Variants in GRB10 observed in about 807,000 individuals in gnomAD.
GRB10 encodes the protein growth factor receptor-bound protein 10.
Under a neutral mutation model 80.9 loss-of-function variants are expected in GRB10, and 20 were observed. That is an observed-to-expected ratio of 0.25 (90% CI 0.17 to 0.36). The LOEUF is 0.36. Among genes scored for constraint, GRB10 ranks in the 10% least tolerant of loss-of-function variants. GRB10 has a pLI of 1.00. For synonymous variants in GRB10, 291 were observed against 291.5 expected (o/e 1.00, Z 0.02); for missense variants, 548 against 747.7 (o/e 0.73, Z 3.12).
intron 16 of GRB10, 65 bp downstream of exon 16, chr7:50,604,246 A>G: frequency 7.2e-7 from 1 of 1,383,166 alleles, no homozygotes; most frequent in Non-Finnish European, 1.0e-6. Context: ...GCTGAGGGGG[A>G]GTGGAGGGGG....
At chr7:50,786,732 G>A (rs994591437), upstream of GRB10, among the ~76,000 whole-genome samples, 33 of 152,210 alleles carry the variant, frequency 2.2e-4, no homozygotes, top group Admixed American at 7.9e-4. Flanking sequence ...CTTTTTGGAA[G>A]CTTCTATAGA....
chr7:50,685,269 G>A (rs1399096989), intron 5 of GRB10, among the ~76,000 whole-genome samples: 2 of 152,164 alleles, frequency 1.3e-5, no homozygotes, highest in Non-Finnish European at 2.9e-5. Flanking sequence ...ATGCAGTGAC[G>A]TCTTAAGCAA....
At chr7:50,725,719 T>A (rs1339958346) in intron 4 of GRB10, among the ~76,000 whole-genome samples, 1 of 152,182 alleles carries the variant, frequency 6.6e-6, no homozygotes, top group Non-Finnish European at 1.5e-5. Context: ...CCATGATAAG[T>A]AGGAGGAAAA....
intron 7 of GRB10, among the ~76,000 whole-genome samples, chr7:50,654,809 G>A (rs895576798): frequency 6.6e-6 from 1 of 152,032 alleles, no homozygotes. Context: ...TTTCCTGCTA[G>A]ATGGCTTTGT....
chr7:50,736,717 A>G (rs1240323719), intron 3 of GRB10, among the ~76,000 whole-genome samples: 2 of 152,054 alleles, frequency 1.3e-5, no homozygotes, highest in Non-Finnish European at 2.9e-5. Context: ...ACAGGAATTG[A>G]GGATGCAGTG....
intron 7 of GRB10, among the ~76,000 whole-genome samples, chr7:50,649,467 CAAG>C (rs1377924174): frequency 1.3e-5 from 2 of 152,140 alleles, no homozygotes; most frequent in Non-Finnish European, 2.9e-5. Context: ...TGTGAGGGAC[CAAG>C]AAGGCCAGGG....
At chr7:50,622,286 C>A (rs748519913) in intron 8 of GRB10, among the ~76,000 whole-genome samples, 5 of 152,180 alleles carry the variant, frequency 3.3e-5, no homozygotes, top group Non-Finnish European at 7.3e-5. Context: ...ATAAAACCAG[C>A]CTGCAAAAGG....
intron 7 of GRB10, among the ~76,000 whole-genome samples, chr7:50,635,859 T>C (rs2158919): frequency 0.45 from 64,055 of 141,084 alleles, 14,267 homozygotes; most frequent in African/African-American, 0.51. Flanking sequence ...AATAGACAAG[T>C]AGGGGTAATA....
At chr7:50,665,975 C>G (rs2059759010) in intron 7 of GRB10, among the ~76,000 whole-genome samples, 1 of 152,200 alleles carries the variant, frequency 6.6e-6, no homozygotes, top group South Asian at 2.1e-4. Context: ...CTCAGCACAG[C>G]ACTCAGGAAG....
Position 50,775,181 on chromosome 7 carries a change from A to AAAAAAAAAAAAAAAAAAAAAAAAG in GRB10, c.-217+5445_-217+5446insCTTTTTTTTTTTTTTTTTTTTTTT, listed in dbSNP as rs2077485179. ...GTCTCCAAAAAAAAAAAACAAAAAA[A>AAAAAAAAAAAAAAAAAAAAAAAAG]AACAGTGGAACAGACAAAGAACAGA... On this transcript the variant is annotated intron_variant, in intron 2 of 18. Coordinates refer to ENST00000401949, the MANE Select transcript of GRB10 (RefSeq NM_001350814.2). Among the ~76,000 whole-genome samples the AAAAAAAAAAAAAAAAAAAAAAAAG allele has an allele frequency of 1.3e-5, 2 of 149,216 alleles. 1 individual carries two copies.
At chr7:50,685,573 G>C (rs1005510443) in intron 5 of GRB10, among the ~76,000 whole-genome samples, 2 of 152,170 alleles carry the variant, frequency 1.3e-5, no homozygotes, top group African/African-American at 4.8e-5. Flanking sequence ...TACAGTGTGC[G>C]TCCTCAGATG....
chr7:50,605,346 T>C lies in GRB10; in HGVS notation c.1333A>G (p.Ile445Val). 1 of 1,614,220 alleles carries C rather than the reference T, an allele frequency of 6.2e-7. No homozygotes were observed. Among genetic ancestry groups the C allele is most frequent in the African/African-American group, 1.3e-5 (1 of 75,060 alleles). ...CTCTGGGCCTCTGCCGGATTCTCTA[T>C]CACGCGTCCTGTTTGCCCAGAAAAA... Reference protein sequence around the residue: ...MDFSGQTGRVIENPAEAQSAA... With the variant: ...MDFSGQTGRVVENPAEAQSAA... The change falls in exon 15 of 19, where the codon ATA becomes GTA. Residue 445 changes from isoleucine (I) to valine (V), a missense_variant. This residue lies in a region of GRB10 where 270 missense variants were observed against 433.6 expected (regional missense o/e 0.62). Transcript: ENST00000401949.
intron 4 of GRB10, among the ~76,000 whole-genome samples, chr7:50,722,547 G>A (rs2067928572): frequency 1.3e-5 from 2 of 152,298 alleles, no homozygotes; most frequent in Non-Finnish European, 2.9e-5. Flanking sequence ...GGCAGCAACA[G>A]CTTCAAAGCC....
At chr7:50,661,489 G>A (rs1349876056) in intron 7 of GRB10, among the ~76,000 whole-genome samples, 4 of 152,144 alleles carry the variant, frequency 2.6e-5, no homozygotes, top group African/African-American at 9.7e-5. Flanking sequence ...AGGAAAGTGT[G>A]GCCTGTCAAA....
rs946562689 is a variant in GRB10 at position 50,780,631 on chromosome 7, A to G, written c.-221T>C. On this transcript the variant is annotated 5_prime_UTR_variant, in exon 2 of 19. Transcript: ENST00000401949. The stretch of plus-strand genomic sequence containing the variant: ...CTGGGGCCTGGGGATACATACCGAG[A>G]GGCAGTCAGCTCTGATGTAGGTGGT... 6.6e-6 allele frequency: 1 copy of G among 152,178 alleles called. No homozygotes were observed. Among genetic ancestry groups the G allele is most frequent in the Non-Finnish European group, 1.5e-5 (1 of 68,032 alleles). 9.4% of individuals were successfully genotyped at this position (152,178 alleles called of 1,614,324 possible).
intron 3 of GRB10, among the ~76,000 whole-genome samples, chr7:50,750,638 G>A (rs556180133): frequency 2.0e-4 from 30 of 152,280 alleles, no homozygotes; most frequent in African/African-American, 6.3e-4. Flanking sequence ...TGAGTATCAC[G>A]CTTAGGTTTC....
chr7:50,757,817 TAG>T (rs1271697023), intron 2 of GRB10, among the ~76,000 whole-genome samples: 9 of 152,222 alleles, frequency 5.9e-5, no homozygotes, highest in Non-Finnish European at 8.8e-5. Context: ...GTCCCATCTC[TAG>T]AGAGCCTAAT....
At chr7:50,710,457 C>T (rs752717363) in intron 4 of GRB10, among the ~76,000 whole-genome samples, 2 of 152,224 alleles carry the variant, frequency 1.3e-5, no homozygotes, top group African/African-American at 2.4e-5. Context: ...ACTCTTGCCT[C>T]TGCTGGGTAC....
At chr7:50,685,559 C>T (rs537857920) in intron 5 of GRB10, among the ~76,000 whole-genome samples, 47 of 152,242 alleles carry the variant, frequency 3.1e-4, no homozygotes, top group African/African-American at 1.1e-3. Flanking sequence ...AGTGCAGAGT[C>T]GAGTACAGTG....
Sources: gnomAD v4.1 joint callset for allele counts (sites outside exome capture counted in the v4.1 genomes callset) on GRCh38, gnomAD v4.1.1 for gene constraint, gnomAD v4.1.1 regional missense constraint, MANE v1.5 for transcripts, NCBI Gene and HGNC (gene_info 2026-07-23, HGNC 2026-07-21) for gene names.